The following PCDH11X variants were observed in gnomAD, a reference collection of about 807,000 sequenced individuals.
The protein encoded by PCDH11X is protocadherin 11 X-linked.
In PCDH11X, 18 loss-of-function variants were observed where a neutral mutation model predicts 53.3. The observed-to-expected ratio is 0.34, with a 90% CI of 0.23 to 0.50. The LOEUF (loss-of-function observed/expected upper bound fraction) is 0.50. PCDH11X is among the 20% of genes least tolerant of loss of function. The pLI is 0.98. For synonymous variants in PCDH11X, 279 were observed against 393.3 expected (o/e 0.71, Z 3.44); for missense variants, 570 against 1,032.4 (o/e 0.55, Z 6.14).
chrX:92,225,045 T>A (rs186032828), intron 7 of PCDH11X, among the ~76,000 whole-genome samples: 336 of 111,579 alleles, frequency 3.0e-3, no homozygotes, highest in Middle Eastern at 9.2e-3. Flanking sequence ...CTGTTGGTAT[T>A]TTTTCTATTG....
intron 1 of PCDH11X, among the ~76,000 whole-genome samples, chrX:91,793,266 C>T (rs1387916383): frequency 1.9e-5 from 2 of 107,629 alleles, no homozygotes. Flanking sequence ...GATCCTTGTT[C>T]TTATCCCTGG....
intron 8 of PCDH11X, among the ~76,000 whole-genome samples, chrX:92,265,304 T>A (rs1335828482): frequency 9.0e-6 from 1 of 110,880 alleles, no homozygotes; most frequent in African/African-American, 3.3e-5. Flanking sequence ...TGTTGTCATC[T>A]GATTTCCTGA....
At chrX:92,030,025 C>T (rs2063023842) in intron 6 of PCDH11X, among the ~76,000 whole-genome samples, 4 of 112,129 alleles carry the variant, frequency 3.6e-5, no homozygotes, top group South Asian at 7.4e-4. Flanking sequence ...TGCAGTGGCA[C>T]GATCTCGGCT....
At chrX:91,842,341 G>A (rs767850888) in intron 5 of PCDH11X, among the ~76,000 whole-genome samples, 2 of 109,982 alleles carry the variant, frequency 1.8e-5, no homozygotes, top group Admixed American at 2.0e-4. Context: ...ATTAAATAAC[G>A]CAGAACTTAA....
intron 10 of PCDH11X, among the ~76,000 whole-genome samples, chrX:92,490,808 G>A (rs1202373214): frequency 9.1e-6 from 1 of 109,546 alleles, no homozygotes; most frequent in Admixed American, 9.8e-5. Context: ...GAAAGAAAGA[G>A]AGAGAGAGAA....
intron 7 of PCDH11X, among the ~76,000 whole-genome samples, chrX:92,227,749 TGTA>T (rs768046536): frequency 1.2e-3 from 134 of 111,219 alleles, no homozygotes; most frequent in Admixed American, 1.3e-3. Context: ...GATACTATAA[TGTA>T]GTCACTATAA....
At chrX:92,275,936 G>A (rs1241190564) in intron 8 of PCDH11X, among the ~76,000 whole-genome samples, 2 of 110,199 alleles carry the variant, frequency 1.8e-5, no homozygotes, top group African/African-American at 3.3e-5. Context: ...TACAAGAGGA[G>A]GATGCAAAGG....
chrX:92,451,616 G>A (rs983686342), intron 9 of PCDH11X, among the ~76,000 whole-genome samples: 7 of 111,200 alleles, frequency 6.3e-5, no homozygotes, highest in African/African-American at 1.6e-4. Flanking sequence ...TGTTTGCTAA[G>A]TAGGCATATT....
intron 1 of PCDH11X, among the ~76,000 whole-genome samples, chrX:91,801,427 G>T (rs1262893367): frequency 9.0e-6 from 1 of 110,533 alleles, no homozygotes; most frequent in Non-Finnish European, 1.9e-5. Context: ...AACAGAAACT[G>T]TTTGAAAAAC....
chrX:92,216,034 C>T (rs143362951), intron 7 of PCDH11X, among the ~76,000 whole-genome samples: 87 of 99,488 alleles, frequency 8.7e-4, no homozygotes, highest in African/African-American at 1.0e-3. Flanking sequence ...GAAAGGACAT[C>T]CACACCAAAA....
intron 6 of PCDH11X, among the ~76,000 whole-genome samples, chrX:91,953,760 A>G (rs1324908788): frequency 6.4e-5 from 7 of 109,643 alleles, no homozygotes; most frequent in Non-Finnish European, 1.3e-4. Context: ...TCAGTTTGTT[A>G]CTTTGCTGTT....
intron 6 of PCDH11X, among the ~76,000 whole-genome samples, chrX:91,945,313 C>T (rs1420402115): frequency 9.6e-6 from 1 of 104,614 alleles, no homozygotes; most frequent in Non-Finnish European, 2.0e-5. Context: ...ACTAGAGTGC[C>T]GTGTTAATTC....
chrX:91,819,267 T>A (rs1334089835), intron 4 of PCDH11X, among the ~76,000 whole-genome samples: 1 of 107,219 alleles, frequency 9.3e-6, no homozygotes, highest in Non-Finnish European at 1.9e-5. Context: ...TTGTCCTAAG[T>A]GAGAAACAGA....
chrX:92,363,322 CT>C (rs955314123), intron 8 of PCDH11X, among the ~76,000 whole-genome samples: 4 of 111,380 alleles, frequency 3.6e-5, no homozygotes, highest in Non-Finnish European at 5.7e-5. Flanking sequence ...GTTCTTTCAT[CT>C]GTTTCAGCAA....
At chrX:92,551,267 A>G (rs1407288452) in intron 10 of PCDH11X, among the ~76,000 whole-genome samples, 2 of 111,498 alleles carry the variant, frequency 1.8e-5, no homozygotes, top group Non-Finnish European at 3.8e-5. Context: ...TGTCTTTTGG[A>G]TAAAAGCCAA....
intron 10 of PCDH11X, among the ~76,000 whole-genome samples, chrX:92,602,200 A>C (rs893572576): frequency 1.8e-5 from 2 of 111,575 alleles, no homozygotes; most frequent in African/African-American, 6.5e-5. Context: ...ACTCATTTGG[A>C]GCAAAGTATG....
At chrX:92,297,922 G>C (rs950279114) in intron 8 of PCDH11X, among the ~76,000 whole-genome samples, 2 of 107,968 alleles carry the variant, frequency 1.9e-5, no homozygotes, top group African/African-American at 3.4e-5. Context: ...GACTGGAATT[G>C]CATTCTTTAT....
intron 6 of PCDH11X, among the ~76,000 whole-genome samples, chrX:92,018,317 A>G (rs891762363): frequency 8.9e-6 from 1 of 112,321 alleles, no homozygotes; most frequent in Non-Finnish European, 1.9e-5. Context: ...AGTTATAAGA[A>G]CAAAAAATCA....
intron 6 of PCDH11X, among the ~76,000 whole-genome samples, chrX:91,963,523 C>A (rs1251143502): frequency 1.8e-5 from 2 of 111,457 alleles, no homozygotes; most frequent in Non-Finnish European, 3.8e-5. Flanking sequence ...GCATTTTGGT[C>A]AAAGCCATTC....
Sources: gnomAD v4.1 joint callset for allele counts (sites outside exome capture counted in the v4.1 genomes callset) on GRCh38, gnomAD v4.1.1 for gene constraint, MANE v1.5 for transcripts, NCBI Gene and HGNC (gene_info 2026-07-23, HGNC 2026-07-21) for gene names.